CSMD3: variants seen among roughly 807,000 people sequenced by gnomAD.
The protein encoded by CSMD3 is CUB and sushi domain-containing protein 3.
CSMD3 carries 177 observed loss-of-function variants against 435.2 expected under a neutral mutation model. That is an observed-to-expected ratio of 0.41 (90% CI 0.36 to 0.46). The LOEUF is 0.46. Among genes scored for constraint, CSMD3 ranks in the 20% least tolerant of loss-of-function variants. CSMD3 has a pLI of 0.34. For missense variants in CSMD3, 4,265 were observed against 4,504.6 expected (o/e 0.95, Z 1.52); for synonymous variants, 1,656 against 1,520.5 (o/e 1.09, Z -2.07).
At chr8:112,857,781 G>C (rs1199418012) in intron 11 of CSMD3, among the ~76,000 whole-genome samples, 1 of 151,028 alleles carries the variant, frequency 6.6e-6, no homozygotes, top group East Asian at 1.9e-4. Context: ...ACTGAGAATA[G>C]TGTACGGCAT....
chr8:112,224,317 GAC>G lies in CSMD3; in HGVS notation c.*452_*453del. 1 of 168,982 alleles carries G rather than the reference GAC, an allele frequency of 5.9e-6. No individual in the cohort carries two copies. The highest frequency in any genetic ancestry group is 1.3e-5 in the Non-Finnish European group (1 of 76,860). 10.5% of individuals were successfully genotyped at this position (168,982 alleles called of 1,614,324 possible). On this transcript the variant is annotated 3_prime_UTR_variant, in exon 71 of 71. Coordinates refer to ENST00000297405, the MANE Select transcript of CSMD3 (RefSeq NM_198123.2). ...GAATGGCAGATAGAGTGGTATGAAA[GAC>G]AGATTTGTGGGCGTGATGTAGCTCA... is the stretch of plus-strand genomic sequence containing the variant.
intron 6 of CSMD3, among the ~76,000 whole-genome samples, chr8:113,016,771 TA>T (rs1031199928): frequency 2.0e-5 from 3 of 151,916 alleles, no homozygotes; most frequent in Non-Finnish European, 4.4e-5. Context: ...TGGAACAATG[TA>T]AAAAGCATCG....
At chr8:112,477,417 T>C (rs1262404398) in intron 31 of CSMD3, among the ~76,000 whole-genome samples, 1 of 152,164 alleles carries the variant, frequency 6.6e-6, no homozygotes, top group African/African-American at 2.4e-5. Context: ...TCCATGCTGA[T>C]ATAGTTTGAA....
chr8:113,029,341 G>C (rs752658146), intron 5 of CSMD3, among the ~76,000 whole-genome samples: 12 of 151,540 alleles, frequency 7.9e-5, no homozygotes, highest in Non-Finnish European at 1.2e-4. Flanking sequence ...ACTACAGACT[G>C]ATATCCTTGA....
intron 32 of CSMD3, among the ~76,000 whole-genome samples, chr8:112,422,644 T>G (rs1812640734): frequency 1.3e-5 from 2 of 152,166 alleles, no homozygotes; most frequent in Admixed American, 1.3e-4. Flanking sequence ...TAAAGATTAA[T>G]CTGTAAAGCA....
rs200499629 is a variant in CSMD3, at chr8:112,289,364, C to T, written c.9148+1G>A. ...ATATTGTCCAATTTTCCAAGTGGTA[C>T]CTGAACAATGAGGTTGTGATCCACT... On this transcript the variant is annotated splice_donor_variant, in intron 57 of 70. Transcript: ENST00000297405. LOFTEE classifies it high-confidence loss of function. The T allele has an allele frequency of 3.1e-6, 5 of 1,612,320 alleles. No individual in the cohort carries two copies.
rs115808362 is a variant in CSMD3, at chr8:113,227,475, A to G, written c.514+51117T>C. Among the ~76,000 whole-genome samples, 1,252 of 151,772 alleles carry G rather than the reference A, an allele frequency of 8.2e-3. 17 individuals are homozygous for G. The highest frequency in any genetic ancestry group is 0.028 in the African/African-American group (1,174 of 41,480). On this transcript the variant is annotated intron_variant, in intron 3 of 70. Coordinates refer to ENST00000297405, the MANE Select transcript of CSMD3 (RefSeq NM_198123.2). ...TATAACTTTATAAGGATCAGGCATG[A>G]ATATCATACATGATATGGTTTGAGT...
intron 10 of CSMD3, among the ~76,000 whole-genome samples, chr8:112,870,185 GA>G (rs377759551): frequency 6.2e-4 from 90 of 144,916 alleles, no homozygotes; most frequent in African/African-American, 1.7e-3. Flanking sequence ...ACAATCACAT[GA>G]AAAAAAAAAC....
intron 35 of CSMD3, among the ~76,000 whole-genome samples, chr8:112,403,956 A>G (rs543003381): frequency 2.6e-5 from 4 of 152,340 alleles, no homozygotes; most frequent in African/African-American, 9.6e-5. Flanking sequence ...AACAAATAAC[A>G]GAATAATACA....
intron 5 of CSMD3, among the ~76,000 whole-genome samples, chr8:113,055,266 C>T (rs540654092): frequency 6.6e-6 from 1 of 152,292 alleles, no homozygotes; most frequent in East Asian, 1.9e-4. Context: ...TTCTCTTCCT[C>T]AGCCTCCTGA....
At chr8:113,317,220 C>A (rs1000747073) in intron 1 of CSMD3, among the ~76,000 whole-genome samples, 1 of 152,096 alleles carries the variant, frequency 6.6e-6, no homozygotes. Context: ...TTTTAAATTG[C>A]TTCTTGCAGA....
Position 112,982,100 on chromosome 8 carries a change from T to C in CSMD3, c.1031-5952A>G, listed in dbSNP as rs552823035. Among the ~76,000 whole-genome samples, 91 of 151,980 alleles carry C rather than the reference T, an allele frequency of 6.0e-4. No individual in the cohort carries two copies. In the Middle Eastern group the frequency reaches 0.01, roughly 17 times the overall value. ...CACCCAGTTGATTAAGAGAAATTTG[T>C]AGAATTAAAGTTCAAAGTAGTATCA... On this transcript the variant is annotated intron_variant, in intron 6 of 70. Transcript: ENST00000297405.
At chr8:112,699,052 G>A (rs1049691798) in intron 13 of CSMD3, among the ~76,000 whole-genome samples, 4 of 152,120 alleles carry the variant, frequency 2.6e-5, no homozygotes, top group Non-Finnish European at 5.9e-5. Flanking sequence ...GGACCAATCA[G>A]CAGGATGTGG....
intron 11 of CSMD3, among the ~76,000 whole-genome samples, chr8:112,847,189 A>G (rs1211662170): frequency 6.6e-6 from 1 of 152,102 alleles, no homozygotes; most frequent in African/African-American, 2.4e-5. Context: ...GCTCCAGGTG[A>G]TCAATAACCC....
chr8:112,300,134 A>G (rs111429674), intron 53 of CSMD3, among the ~76,000 whole-genome samples: 208 of 147,458 alleles, frequency 1.4e-3, no homozygotes, highest in Admixed American at 3.8e-3. Flanking sequence ...ATATTTTAAT[A>G]TATATTTAAA....
intron 13 of CSMD3, among the ~76,000 whole-genome samples, chr8:112,712,795 T>A (rs201634577): frequency 3.1e-3 from 425 of 137,496 alleles, no homozygotes; most frequent in Middle Eastern, 0.012. Flanking sequence ...GAATCAAAAA[T>A]AAAAAAAAAA....
At chr8:112,346,051 A>G in intron 41 of CSMD3, 46 bp downstream of exon 41, 2 of 1,002,226 alleles carry the variant, frequency 2.0e-6, no homozygotes, top group Non-Finnish European at 3.2e-6. Flanking sequence ...TTAAGGCTAC[A>G]TTAATAAATA....
At chr8:112,328,548 C>T (rs543780848) in intron 45 of CSMD3, among the ~76,000 whole-genome samples, 2 of 152,146 alleles carry the variant, frequency 1.3e-5, no homozygotes, top group South Asian at 4.2e-4. Flanking sequence ...TTTAGAGATG[C>T]GAGAAAGAAA....
intron 6 of CSMD3, among the ~76,000 whole-genome samples, chr8:113,008,599 T>C (rs565776766): frequency 6.6e-6 from 1 of 151,800 alleles, no homozygotes; most frequent in South Asian, 2.1e-4. Flanking sequence ...AAAATACTTT[T>C]CATTACACAC....
Sources: gnomAD v4.1 joint callset for allele counts (sites outside exome capture counted in the v4.1 genomes callset) on GRCh38, gnomAD v4.1.1 for gene constraint, MANE v1.5 for transcripts, NCBI Gene and HGNC (gene_info 2026-07-23, HGNC 2026-07-21) for gene names.